FAM135B: variants seen among roughly 807,000 people sequenced by gnomAD.
FAM135B encodes family with sequence similarity 135 member B.
A neutral mutation model predicts 127.7 loss-of-function variants in FAM135B; 43 were observed. The observed-to-expected ratio is 0.34, with a 90% CI of 0.26 to 0.43. The LOEUF (loss-of-function observed/expected upper bound fraction) is 0.43. Ranked by LOEUF, FAM135B falls within the 20% of genes least tolerant of loss-of-function variation. The pLI is 1.00. For synonymous variants in FAM135B, 670 were observed against 665.1 expected (o/e 1.01, Z -0.11); for missense variants, 1,558 against 1,725.6 (o/e 0.90, Z 1.72).
intron 5 of FAM135B, among the ~76,000 whole-genome samples, chr8:138,253,718 G>A (rs72723666): frequency 7.4e-4 from 112 of 152,188 alleles, no homozygotes; most frequent in Non-Finnish European, 1.2e-3. Context: ...ATTGAGAGCC[G>A]CCAGACAAGA....
chr8:138,377,666 T>TG (rs1831570764), intron 1 of FAM135B, among the ~76,000 whole-genome samples: 5 of 152,160 alleles, frequency 3.3e-5, no homozygotes, highest in African/African-American at 1.2e-4. Context: ...TTCAATGAGT[T>TG]TTGGCAGAAA....
chr8:138,478,998 C>T (rs1814648427), intron 1 of FAM135B, among the ~76,000 whole-genome samples: 2 of 152,150 alleles, frequency 1.3e-5, no homozygotes, highest in South Asian at 4.1e-4. Flanking sequence ...CACAGGTTCC[C>T]ACAACCTCCT....
intron 1 of FAM135B, among the ~76,000 whole-genome samples, chr8:138,490,755 G>C (rs1235918764): frequency 6.6e-6 from 1 of 152,128 alleles, no homozygotes; most frequent in Non-Finnish European, 1.5e-5. Flanking sequence ...GTAAGTTGCA[G>C]TTATTCTAAG....
chr8:138,335,816 C>G (rs1360780797), intron 2 of FAM135B, among the ~76,000 whole-genome samples: 1 of 152,180 alleles, frequency 6.6e-6, no homozygotes, highest in Non-Finnish European at 1.5e-5. Flanking sequence ...CTTCTCAGCA[C>G]CACACCACAC....
At chr8:138,447,304 G>C (rs1041681877) in intron 1 of FAM135B, among the ~76,000 whole-genome samples, 4 of 151,862 alleles carry the variant, frequency 2.6e-5, no homozygotes, top group Non-Finnish European at 5.9e-5. Context: ...CCCATTACTG[G>C]GTATATACCC....
At chr8:138,175,163 A>C (rs919191624) in intron 11 of FAM135B, among the ~76,000 whole-genome samples, 1 of 152,206 alleles carries the variant, frequency 6.6e-6, no homozygotes, top group Admixed American at 6.5e-5. Context: ...TTGCTGGTAA[A>C]AGAAAAACAA....
chr8:138,162,843 C>T (rs150418068), intron 12 of FAM135B, among the ~76,000 whole-genome samples: 54 of 152,176 alleles, frequency 3.5e-4, no homozygotes, highest in African/African-American at 1.3e-3. Flanking sequence ...GAACCCACGC[C>T]ATAGAAAAAC....
chr8:138,481,425 T>C (rs1212330807), intron 1 of FAM135B, among the ~76,000 whole-genome samples: 2 of 152,320 alleles, frequency 1.3e-5, no homozygotes, highest in South Asian at 2.1e-4. Flanking sequence ...ATGCTCTGTT[T>C]GCATCCTTCA....
chr8:138,182,363 A>C (rs866270411), intron 9 of FAM135B, among the ~76,000 whole-genome samples: 3 of 152,198 alleles, frequency 2.0e-5, no homozygotes, highest in African/African-American at 7.2e-5. Flanking sequence ...CTTTACACTA[A>C]CAAAGAGGCA....
intron 9 of FAM135B, among the ~76,000 whole-genome samples, 186 bp downstream of exon 9, chr8:138,195,072 G>C (rs932951782): frequency 2.6e-5 from 4 of 152,196 alleles, no homozygotes; most frequent in African/African-American, 9.7e-5. Context: ...ATCTAGCAAG[G>C]CACATACTTA....
intron 1 of FAM135B, among the ~76,000 whole-genome samples, chr8:138,410,984 A>C (rs916734529): frequency 2.8e-5 from 4 of 143,568 alleles, no homozygotes; most frequent in Admixed American, 6.9e-5. Flanking sequence ...TCAAGGAAAT[A>C]AAAGAGGATA....
At chr8:138,328,404 T>G (rs890842642) in intron 2 of FAM135B, among the ~76,000 whole-genome samples, 1 of 152,186 alleles carries the variant, frequency 6.6e-6, no homozygotes, top group African/African-American at 2.4e-5. Flanking sequence ...ACCTTGGCGA[T>G]GACCTTGAGC....
At chr8:138,175,041 A>G (rs570000515) in intron 11 of FAM135B, among the ~76,000 whole-genome samples, 61 of 152,336 alleles carry the variant, frequency 4.0e-4, no homozygotes, top group Admixed American at 1.7e-3. Flanking sequence ...CACCTAAAAA[A>G]ATTAGATATA....
chr8:138,137,411 C>T lies in FAM135B; in HGVS notation c.3902-151G>A, dbSNP rs1397526384. The T allele has an allele frequency of 6.3e-6, 4 of 634,810 alleles. No homozygotes were observed. In the East Asian group the frequency reaches 1.1e-4, roughly 17 times the overall value. 39.3% of individuals were successfully genotyped at this position (634,810 alleles called of 1,614,324 possible). A position where few individuals can be genotyped will look rare whatever the true frequency, so the allele number is the denominator to read the frequency against. On this transcript the variant is annotated intron_variant, in intron 18 of 19. Coordinates refer to ENST00000395297, the MANE Select transcript of FAM135B (RefSeq NM_015912.4). ...GTGTCATCACACAAGGACATTCTGT[C>T]CTGAGGTTTAACAATGCACAGCAGA... is the stretch of plus-strand genomic sequence containing the variant.
intron 2 of FAM135B, among the ~76,000 whole-genome samples, chr8:138,352,821 C>T (rs1045910370): frequency 6.6e-6 from 1 of 152,090 alleles, no homozygotes; most frequent in Admixed American, 6.6e-5. Context: ...AGTAGTGAGA[C>T]TTAAGTTTTA....
At chr8:138,372,463 G>A (rs1348835085) in intron 1 of FAM135B, among the ~76,000 whole-genome samples, 2 of 152,186 alleles carry the variant, frequency 1.3e-5, no homozygotes, top group African/African-American at 2.4e-5. Context: ...GGACACTGGA[G>A]AGAACAGCCT....
chr8:138,269,081 C>T (rs1296770996), intron 3 of FAM135B, among the ~76,000 whole-genome samples: 3 of 152,158 alleles, frequency 2.0e-5, no homozygotes, highest in South Asian at 2.1e-4. Flanking sequence ...GAATACGTTC[C>T]AAACAACTTA....
intron 2 of FAM135B, among the ~76,000 whole-genome samples, chr8:138,342,719 C>G (rs778631202): frequency 3.6e-4 from 55 of 152,180 alleles, no homozygotes; most frequent in Non-Finnish European, 4.0e-4. Flanking sequence ...ATGTCCAAGG[C>G]CTTCAGTGCT....
chr8:138,479,351 G>T (rs1814674497), intron 1 of FAM135B, among the ~76,000 whole-genome samples: 1 of 152,144 alleles, frequency 6.6e-6, no homozygotes, highest in Non-Finnish European at 1.5e-5. Context: ...GAGGCCGGGG[G>T]TCTGGCAGTT....
Sources: gnomAD v4.1 joint callset for allele counts (sites outside exome capture counted in the v4.1 genomes callset) on GRCh38, gnomAD v4.1.1 for gene constraint, MANE v1.5 for transcripts, NCBI Gene and HGNC (gene_info 2026-07-23, HGNC 2026-07-21) for gene names.